MTCL2: variants seen among roughly 807,000 people sequenced by gnomAD.
The protein encoded by MTCL2 is microtubule crosslinking factor 2.
the MTCL2 span, among the ~76,000 whole-genome samples, chr20:36,836,036 T>C: frequency 1.3e-5 from 2 of 151,282 alleles, no homozygotes; most frequent in African/African-American, 4.9e-5. Context: ...CTCCAGCTAT[T>C]CCCTCCCCCT....
At chr20:36,780,132 G>C in the MTCL2 span, 1 of 152,196 alleles carries the variant, frequency 6.6e-6, no homozygotes, top group Admixed American at 6.5e-5. Context: ...GGTTTGCGAT[G>C]TGACCTTGGG....
the MTCL2 span, chr20:36,786,767 CTCA>C: frequency 1.3e-6 from 1 of 790,298 alleles, no homozygotes; most frequent in Non-Finnish European, 2.0e-6. Flanking sequence ...GCTGAAGCTC[CTCA>C]CTGGACCAAT....
the MTCL2 span, chr20:36,829,040 C>A: frequency 6.5e-7 from 1 of 1,536,954 alleles, no homozygotes; most frequent in Non-Finnish European, 8.8e-7. Flanking sequence ...CTGCTGGATG[C>A]ATGAGGTCCT....
At chr20:36,841,013 T>C in the MTCL2 span, among the ~76,000 whole-genome samples, 15 of 151,270 alleles carry the variant, frequency 9.9e-5, no homozygotes, top group African/African-American at 2.2e-4. Flanking sequence ...AAAATAATAA[T>C]AACAAAAGAC....
At chr20:36,797,125 C>T in the MTCL2 span, among the ~76,000 whole-genome samples, 928 of 152,240 alleles carry the variant, frequency 6.1e-3, 12 homozygotes, top group African/African-American at 0.021. Context: ...CCAACTCCCC[C>T]ACCATATGTG....
chr20:36,797,257 T>C, the MTCL2 span, among the ~76,000 whole-genome samples: 3 of 152,128 alleles, frequency 2.0e-5, no homozygotes, highest in Non-Finnish European at 2.9e-5. Context: ...CAGCTGGTGG[T>C]GGGCTTGTCT....
At chr20:36,853,302 A>G in the MTCL2 span, among the ~76,000 whole-genome samples, 2 of 152,146 alleles carry the variant, frequency 1.3e-5, no homozygotes, top group African/African-American at 4.8e-5. Context: ...ACATTCTCTC[A>G]CTGCAGCCCG....
the MTCL2 span, among the ~76,000 whole-genome samples, chr20:36,810,753 T>TCTCTCTCTCTCTCTCTCTCTCTCTCTC: frequency 8.2e-5 from 12 of 146,506 alleles, no homozygotes; most frequent in South Asian, 2.2e-4. Context: ...TCTCTCTCTC[T>TCTCTCTCTCTCTCTCTCTCTCTCTCTC]TTCAACGGAG....
chr20:36,804,717 G>C, the MTCL2 span: 1 of 1,609,520 alleles, frequency 6.2e-7, no homozygotes, highest in African/African-American at 1.3e-5. Flanking sequence ...AGAGGCGTCT[G>C]ACAGGTGGGG....
the MTCL2 span, among the ~76,000 whole-genome samples, chr20:36,795,792 C>CA: frequency 4.6e-5 from 7 of 150,690 alleles, no homozygotes; most frequent in East Asian, 1.9e-4. Context: ...AAAACAAAAA[C>CA]AAAAAAAACA....
At chr20:36,784,375 T>C in the MTCL2 span, 3 of 985,756 alleles carry the variant, frequency 3.0e-6, no homozygotes, top group Non-Finnish European at 3.6e-6. Flanking sequence ...GGAAGGGAGA[T>C]GCAGGACTTG....
the MTCL2 span, chr20:36,809,954 T>C: frequency 2.3e-5 from 37 of 1,587,072 alleles, no homozygotes; most frequent in Middle Eastern, 3.5e-4. Context: ...TAGGAATAGC[T>C]GCCTGGAAAG....
the MTCL2 span, chr20:36,863,428 G>A: frequency 9.7e-7 from 1 of 1,028,600 alleles, no homozygotes; most frequent in Non-Finnish European, 1.2e-6. This position sits in a 1 kb window ranked among gnomAD's most constrained non-coding sequence, Gnocchi z 6.2. Context: ...ACCCGGCGCG[G>A]CTCCGGCCGC....
the MTCL2 span, among the ~76,000 whole-genome samples, chr20:36,787,231 T>A: frequency 2.0e-5 from 3 of 152,078 alleles, no homozygotes; most frequent in Non-Finnish European, 2.9e-5. Context: ...TCGCTTTTTT[T>A]ATTTTTTTAT....
the MTCL2 span, chr20:36,862,721 G>C: frequency 4.0e-6 from 6 of 1,497,770 alleles, no homozygotes; most frequent in Non-Finnish European, 5.3e-6. Context: ...TGGGCCCGCA[G>C]TCCAGCATCT....
At chr20:36,791,961 C>T in the MTCL2 span, among the ~76,000 whole-genome samples, 3 of 152,220 alleles carry the variant, frequency 2.0e-5, no homozygotes, top group East Asian at 5.8e-4. Flanking sequence ...ATAATGCTCA[C>T]TAACATTCAA....
At chr20:36,788,200 C>CAAA in the MTCL2 span, among the ~76,000 whole-genome samples, 3 of 76,672 alleles carry the variant, frequency 3.9e-5, no homozygotes, top group African/African-American at 6.0e-5. Context: ...GACTCCATCT[C>CAAA]AAAAAAAAAA....
chr20:36,799,897 A>G, the MTCL2 span, among the ~76,000 whole-genome samples: 1 of 152,240 alleles, frequency 6.6e-6, no homozygotes, highest in Non-Finnish European at 1.5e-5. Flanking sequence ...GAGAAGGTCA[A>G]GAATGGTCAT....
At chr20:36,862,577 G>A in the MTCL2 span, 7 of 1,317,666 alleles carry the variant, frequency 5.3e-6, no homozygotes, top group Non-Finnish European at 5.9e-6. Context: ...GTGGGAAGGA[G>A]GGCCGGCTGG....
Sources: allele counts gnomAD v4.1 joint callset (sites outside exome capture counted in the v4.1 genomes callset), GRCh38; gene constraint gnomAD v4.1.1; non-coding constraint Gnocchi (gnomAD v3.1); transcripts MANE v1.5; gene names NCBI Gene and HGNC (gene_info 2026-07-23, HGNC 2026-07-21).